Variants in STXBP5L observed in about 807,000 individuals in gnomAD.
STXBP5L encodes syntaxin binding protein 5L, also known as syntaxin-binding protein 5-like.
STXBP5L carries 65 observed loss-of-function variants against 144.5 expected under a neutral mutation model. The ratio of observed to expected loss-of-function variants is 0.45; its 90% CI spans 0.37 to 0.55. STXBP5L has a LOEUF of 0.55. Ranked by LOEUF, STXBP5L falls within the 20% of genes least tolerant of loss-of-function variation. STXBP5L has a pLI of 0.00. For synonymous variants in STXBP5L, 505 were observed against 469.6 expected (o/e 1.08, Z -0.97); for missense variants, 1,298 against 1,405.5 (o/e 0.92, Z 1.22).
At chr3:121,003,779 A>T (rs983227603) in intron 3 of STXBP5L, among the ~76,000 whole-genome samples, 1 of 152,190 alleles carries the variant, frequency 6.6e-6, no homozygotes, top group African/African-American at 2.4e-5. Flanking sequence ...ATGGCTAGGC[A>T]GTTTTCCCAG....
intron 3 of STXBP5L, among the ~76,000 whole-genome samples, chr3:120,979,009 TGAG>T (rs1014634983): frequency 2.0e-5 from 3 of 152,170 alleles, no homozygotes; most frequent in African/African-American, 7.2e-5. Context: ...GGGACCCACT[TGAG>T]GAGGCAGTCT....
intron 5 of STXBP5L, among the ~76,000 whole-genome samples, chr3:121,108,193 A>G (rs1278536451): frequency 6.6e-6 from 1 of 152,172 alleles, no homozygotes; most frequent in Non-Finnish European, 1.5e-5. Context: ...TCCTATTTCA[A>G]TACGCTTTAT....
At chr3:120,955,123 C>A in intron 3 of STXBP5L, 86 bp downstream of exon 3, 2 of 935,322 alleles carry the variant, frequency 2.1e-6, no homozygotes, top group Non-Finnish European at 3.2e-6. Flanking sequence ...TATTTATGAC[C>A]AAATAAAGTT....
intron 14 of STXBP5L, among the ~76,000 whole-genome samples, chr3:121,242,782 GA>G (rs1404474187): frequency 6.7e-6 from 1 of 149,938 alleles, no homozygotes; most frequent in African/African-American, 2.4e-5. Flanking sequence ...TAAAAAGACA[GA>G]AAAAAAAACT....
chr3:121,349,055 G>T (rs1212764207), intron 20 of STXBP5L, among the ~76,000 whole-genome samples: 1 of 152,050 alleles, frequency 6.6e-6, no homozygotes, highest in Non-Finnish European at 1.5e-5. Context: ...ATGTTAGGGT[G>T]TCAGTTTTAG....
intron 2 of STXBP5L, among the ~76,000 whole-genome samples, chr3:120,935,552 A>T (rs1406138074): frequency 6.6e-6 from 1 of 152,024 alleles, no homozygotes; most frequent in Non-Finnish European, 1.5e-5. Context: ...TGCAAGGAAG[A>T]TCTACTGGTG....
intron 3 of STXBP5L, among the ~76,000 whole-genome samples, chr3:120,960,616 G>C (rs1270772660): frequency 6.6e-6 from 1 of 152,112 alleles, no homozygotes; most frequent in Non-Finnish European, 1.5e-5. Context: ...GTAGGGACAT[G>C]GATGAAGTTG....
At chr3:121,152,434 T>A in intron 7 of STXBP5L, 43 bp from the exon 8 acceptor site, 1 of 1,388,668 alleles carries the variant, frequency 7.2e-7, no homozygotes, top group South Asian at 1.2e-5. Context: ...CAAGTTAAAA[T>A]TAATGTTAGA....
chr3:121,378,061 A>G (rs1253905633), intron 20 of STXBP5L, among the ~76,000 whole-genome samples: 1 of 152,100 alleles, frequency 6.6e-6, no homozygotes, highest in East Asian at 1.9e-4. Flanking sequence ...CAGCAAACTA[A>G]CACAGGAACA....
At chr3:121,373,635 T>C (rs1309397162) in intron 20 of STXBP5L, among the ~76,000 whole-genome samples, 1 of 152,116 alleles carries the variant, frequency 6.6e-6, no homozygotes, top group Admixed American at 6.5e-5. Flanking sequence ...GAGCAGGTGA[T>C]CTAGCACATC....
rs115863430 is a variant in STXBP5L at position 121,173,533 on chromosome 3, A to G, written c.877+15906A>G. Among the ~76,000 whole-genome samples the G allele has an allele frequency of 8.2e-3, 1,251 of 152,096 alleles. 22 individuals carry two copies. Among genetic ancestry groups the G allele is most frequent in the African/African-American group, 0.028 (1,170 of 41,520 alleles). Reference sequence around the variant, plus strand: ...CCACCATGCAGTAAAAAATCTATGTATAAGTTTTGACTCTCCAAAAACTTA... The same window carrying G: ...CCACCATGCAGTAAAAAATCTATGTGTAAGTTTTGACTCTCCAAAAACTTA... On this transcript the variant is annotated intron_variant, in intron 9 of 26. Coordinates refer to ENST00000471454, the MANE Select transcript of STXBP5L (RefSeq NM_001308330.2).
At chr3:121,016,487 A>G (rs1010562460) in intron 3 of STXBP5L, among the ~76,000 whole-genome samples, 1 of 152,220 alleles carries the variant, frequency 6.6e-6, no homozygotes, top group Non-Finnish European at 1.5e-5. Flanking sequence ...ACGTATCTAT[A>G]GATTAGACTC....
chr3:121,027,871 A>G (rs1419652603), intron 3 of STXBP5L, among the ~76,000 whole-genome samples: 3 of 152,004 alleles, frequency 2.0e-5, no homozygotes, highest in Admixed American at 2.0e-4. Flanking sequence ...TAGTCACCCT[A>G]TATTTTATTC....
intron 5 of STXBP5L, among the ~76,000 whole-genome samples, chr3:121,050,154 G>C (rs186993547): frequency 6.6e-6 from 1 of 152,242 alleles, no homozygotes; most frequent in Non-Finnish European, 1.5e-5. Context: ...TGAAGAGCTA[G>C]TGTCCATTCA....
intron 3 of STXBP5L, among the ~76,000 whole-genome samples, chr3:121,003,255 G>T (rs1559982955): frequency 6.6e-6 from 1 of 152,074 alleles, no homozygotes; most frequent in African/African-American, 2.4e-5. Context: ...ATTCTAACTG[G>T]TGTGAGACGG....
chr3:120,987,699 T>C (rs1255944690), intron 3 of STXBP5L, among the ~76,000 whole-genome samples: 1 of 151,838 alleles, frequency 6.6e-6, no homozygotes, highest in Admixed American at 6.6e-5. Context: ...GATTTTTTCC[T>C]TTTTTTAAAA....
intron 19 of STXBP5L, among the ~76,000 whole-genome samples, chr3:121,313,228 A>T (rs1300001229): frequency 3.6e-5 from 3 of 84,142 alleles, no homozygotes; most frequent in South Asian, 4.3e-4. Flanking sequence ...GACCCCCCCC[A>T]CCTCCCTCCC....
chr3:121,281,962 G>T (rs919047188), intron 19 of STXBP5L, among the ~76,000 whole-genome samples: 5 of 151,184 alleles, frequency 3.3e-5, no homozygotes, highest in Non-Finnish European at 5.9e-5. Flanking sequence ...TAAGGAAAAT[G>T]TGCCATCTAC....
At chr3:121,104,476 C>A (rs1210548382) in intron 5 of STXBP5L, among the ~76,000 whole-genome samples, 1 of 152,166 alleles carries the variant, frequency 6.6e-6, no homozygotes, top group Non-Finnish European at 1.5e-5. Flanking sequence ...CTGGAGGCAT[C>A]ACATGACCCG....
Sources: gnomAD v4.1 joint callset for allele counts (sites outside exome capture counted in the v4.1 genomes callset) on GRCh38, gnomAD v4.1.1 for gene constraint, MANE v1.5 for transcripts, NCBI Gene and HGNC (gene_info 2026-07-23, HGNC 2026-07-21) for gene names.